Variants in HAPLN1 observed in about 807,000 individuals in gnomAD.
The protein encoded by HAPLN1 is Cartilage link protein.
HAPLN1 carries 13 observed loss-of-function variants against 36.5 expected under a neutral mutation model. The observed-to-expected ratio is 0.36, with a 90% CI of 0.23 to 0.57. The LOEUF (loss-of-function observed/expected upper bound fraction) is 0.57, where lower values mean the gene tolerates loss of function less well. Ranked by LOEUF, HAPLN1 falls within the 20% of genes least tolerant of loss-of-function variation. The pLI, the probability that HAPLN1 is intolerant of heterozygous loss-of-function variation, is 0.83. For synonymous variants in HAPLN1, 202 were observed against 169.8 expected (o/e 1.19, Z -1.48); for missense variants, 407 against 439.7 (o/e 0.93, Z 0.66).
intron 1 of HAPLN1, among the ~76,000 whole-genome samples, chr5:83,695,273 A>C (rs1241472822): frequency 2.0e-5 from 3 of 151,890 alleles, no homozygotes; most frequent in Non-Finnish European, 4.4e-5. Context: ...TTACAGGCAC[A>C]TGCCACCACG....
chr5:83,654,836 C>T (rs1165509120), intron 2 of HAPLN1, among the ~76,000 whole-genome samples: 2 of 152,220 alleles, frequency 1.3e-5, no homozygotes, highest in Non-Finnish European at 2.9e-5. Flanking sequence ...TTTACTAGCT[C>T]TGTAGCCTTG....
At chr5:83,683,672 T>A (rs1359536307) in intron 1 of HAPLN1, among the ~76,000 whole-genome samples, 2 of 152,116 alleles carry the variant, frequency 1.3e-5, no homozygotes, top group African/African-American at 4.8e-5. Flanking sequence ...GCAAGGGAAG[T>A]GGTGACATTG....
At chr5:83,646,484 G>A (rs1749880367) in intron 3 of HAPLN1, among the ~76,000 whole-genome samples, 1 of 152,142 alleles carries the variant, frequency 6.6e-6, no homozygotes. Flanking sequence ...AAATTTCAAT[G>A]GCCTTAAATC....
chr5:83,719,097 C>G (rs771929822), intron 1 of HAPLN1, among the ~76,000 whole-genome samples: 7 of 152,184 alleles, frequency 4.6e-5, no homozygotes, highest in Non-Finnish European at 8.8e-5. Flanking sequence ...AGTGAAACCA[C>G]TAGGGATATA....
At chr5:83,671,584 G>A (rs903090574) in intron 2 of HAPLN1, among the ~76,000 whole-genome samples, 3 of 152,168 alleles carry the variant, frequency 2.0e-5, no homozygotes, top group African/African-American at 7.2e-5. Flanking sequence ...TGGAATTATG[G>A]AAGGTCACTT....
intron 1 of HAPLN1, chr5:83,674,128 C>A (rs1451200428): frequency 2.0e-5 from 3 of 152,860 alleles, no homozygotes; most frequent in African/African-American, 7.2e-5. Flanking sequence ...TACAGATTCA[C>A]TTACCATCTT....
chr5:83,679,550 C>A (rs755178125), intron 1 of HAPLN1, among the ~76,000 whole-genome samples: 2 of 152,130 alleles, frequency 1.3e-5, no homozygotes, highest in Non-Finnish European at 2.9e-5. Flanking sequence ...ATAATTTATT[C>A]TTTTCTCTTT....
chr5:83,656,459 C>A (rs970228527), intron 2 of HAPLN1, among the ~76,000 whole-genome samples: 4 of 143,822 alleles, frequency 2.8e-5, no homozygotes, highest in African/African-American at 1.0e-4. Context: ...AACAACATGG[C>A]AAAATAAATA....
intron 1 of HAPLN1, among the ~76,000 whole-genome samples, chr5:83,676,040 A>G (rs1402739451): frequency 6.6e-6 from 1 of 152,162 alleles, no homozygotes; most frequent in African/African-American, 2.4e-5. Flanking sequence ...CAAGACTTAC[A>G]TATTGAGAAG....
intron 3 of HAPLN1, among the ~76,000 whole-genome samples, chr5:83,647,917 G>A (rs190126921): frequency 4.7e-4 from 71 of 152,134 alleles, no homozygotes; most frequent in Non-Finnish European, 8.5e-4. Context: ...CTGAAATTGC[G>A]TTTCTATTTC....
chr5:83,642,633 C>T (rs778155996), intron 4 of HAPLN1, among the ~76,000 whole-genome samples: 2 of 152,060 alleles, frequency 1.3e-5, no homozygotes, highest in African/African-American at 2.4e-5. Flanking sequence ...AGTTTTAGGT[C>T]GAATCTAATC....
At chr5:83,716,130 G>A (rs569866029) in intron 1 of HAPLN1, among the ~76,000 whole-genome samples, 2 of 152,264 alleles carry the variant, frequency 1.3e-5, no homozygotes, top group African/African-American at 4.8e-5. Flanking sequence ...AATTCACAGA[G>A]TATGAATGAA....
chr5:83,638,632 C>A lies in HAPLN1; in HGVS notation c.*2864G>T, dbSNP rs917986636. The A allele has an allele frequency of 6.6e-6, 1 of 152,042 alleles. No homozygotes were observed. Among genetic ancestry groups the A allele is most frequent in the Admixed American group, 6.6e-5 (1 of 15,266 alleles). 9.4% of individuals were successfully genotyped at this position (152,042 alleles called of 1,614,324 possible). A position where few individuals can be genotyped will look rare whatever the true frequency, so the allele number is the denominator to read the frequency against. On this transcript the variant is annotated 3_prime_UTR_variant, in exon 5 of 5. Coordinates refer to ENST00000274341, the MANE Select transcript of HAPLN1 (RefSeq NM_001884.4). ...AACCAAATTGTAATCTCCTTTGAGTCTACTTCTAATTGCCAAAATAAAAAG... is the reference window on the plus strand; with the variant it reads ...AACCAAATTGTAATCTCCTTTGAGTATACTTCTAATTGCCAAAATAAAAAG...
chr5:83,688,642 C>CT (rs539790396), intron 1 of HAPLN1, among the ~76,000 whole-genome samples: 2,280 of 80,480 alleles, frequency 0.028, 288 homozygotes, highest in Non-Finnish European at 0.032. Context: ...GCTTTTGATT[C>CT]TTTTTTTTTT....
At chr5:83,713,191 C>T (rs749707425) in intron 1 of HAPLN1, among the ~76,000 whole-genome samples, 60 of 152,110 alleles carry the variant, frequency 3.9e-4, no homozygotes, top group Admixed American at 3.3e-3. Flanking sequence ...TAATAAACAA[C>T]TATAATCTAG....
chr5:83,678,658 A>G (rs537769939), intron 1 of HAPLN1, among the ~76,000 whole-genome samples: 2 of 152,268 alleles, frequency 1.3e-5, no homozygotes, highest in South Asian at 4.1e-4. Flanking sequence ...TATGGGCTCA[A>G]TTATCGATGG....
intron 1 of HAPLN1, among the ~76,000 whole-genome samples, chr5:83,688,689 A>G (rs915639675): frequency 3.8e-5 from 4 of 106,164 alleles, no homozygotes; most frequent in South Asian, 3.4e-4. Context: ...GAGAATGAGT[A>G]TTTGAGGAAA....
intron 1 of HAPLN1, among the ~76,000 whole-genome samples, chr5:83,705,280 C>T (rs1392790774): frequency 3.3e-5 from 5 of 150,082 alleles, no homozygotes; most frequent in Non-Finnish European, 7.4e-5. Context: ...ATCCCAGCTA[C>T]TCAGGAGGCT....
intron 2 of HAPLN1, among the ~76,000 whole-genome samples, chr5:83,654,061 G>T (rs991725387): frequency 6.6e-6 from 1 of 152,258 alleles, no homozygotes; most frequent in African/African-American, 2.4e-5. Context: ...ACTGGGAAGA[G>T]TAGCCATGTT....
Sources: gnomAD v4.1 joint callset for allele counts (sites outside exome capture counted in the v4.1 genomes callset) on GRCh38, gnomAD v4.1.1 for gene constraint, MANE v1.5 for transcripts, NCBI Gene and HGNC (gene_info 2026-07-23, HGNC 2026-07-21) for gene names.